Variants in DNAH11 observed in about 807,000 individuals in gnomAD.
DNAH11 encodes dynein axonemal heavy chain 11.
Under a neutral mutation model 526.0 loss-of-function variants are expected in DNAH11, and 442 were observed. That is an observed-to-expected ratio of 0.84 (90% CI 0.78 to 0.91). DNAH11 has a LOEUF of 0.91. DNAH11 is among the 40% of genes least tolerant of loss of function. The probability of loss-of-function intolerance (pLI) is 0.00; values close to 1 mark genes in which losing one functional copy is unlikely to be tolerated. For missense variants in DNAH11, 6,989 were observed against 5,448.7 expected (o/e 1.28, Z -8.90); for synonymous variants, 2,461 against 1,935.9 (o/e 1.27, Z -7.12).
rs878854438 is a variant in DNAH11 at position 21,892,588 on chromosome 7, C to G, written c.12671C>G (p.Thr4224Ser). The G allele has an allele frequency of 4.3e-6, 7 of 1,614,008 alleles. No homozygotes were observed. The highest frequency in any genetic ancestry group is 5.9e-6 in the Non-Finnish European group (7 of 1,179,886). ...EIEFLTVTSN[T>S]LFRTLLEMQP... ...GAATTCCTGACAGTGACATCCAACA[C>G]TCTCTTCAGAACTTTGCTGGAGATG... The change falls in exon 77 of 82, where the codon ACT becomes AGT. Residue 4224 changes from threonine to serine, a missense_variant. Transcript: ENST00000409508.
intron 60 of DNAH11, among the ~76,000 whole-genome samples, chr7:21,788,817 G>A (rs576151399): frequency 1.2e-4 from 18 of 152,334 alleles, no homozygotes; most frequent in South Asian, 6.2e-4. Flanking sequence ...AATATGAGGC[G>A]TATCTTCACA....
At position 21,789,816 on chromosome 7, in the gene DNAH11, C is replaced by CTTTCTTTTTCTTTCTTTCTTT. The variant is rs1554281424; in HGVS notation, c.10026+481_10026+482insTTCTTTCTTTCTTTTTTCTTT. The stretch of plus-strand genomic sequence containing the variant: ...TTCTTTCTTTCTTTCTTTTTTCTTT[C>CTTTCTTTTTCTTTCTTTCTTT]TTTCTTTCTTTCTTTCTTTCTTTCT... On this transcript the variant is annotated intron_variant, in intron 61 of 81. Coordinates refer to ENST00000409508, the MANE Select transcript of DNAH11 (RefSeq NM_001277115.2). Among the ~76,000 whole-genome samples, 358 of 70,036 alleles carry CTTTCTTTTTCTTTCTTTCTTT rather than the reference C, an allele frequency of 5.1e-3. 4 individuals are homozygous for CTTTCTTTTTCTTTCTTTCTTT. The highest frequency in any genetic ancestry group is 0.016 in the African/African-American group (347 of 22,048). 45.9% of individuals were successfully genotyped at this position (70,036 alleles called of 152,430 possible). A position where few individuals can be genotyped will look rare whatever the true frequency, so the allele number is the denominator to read the frequency against.
In DNAH11 at chr7:21,601,441, T is replaced by G; in HGVS notation, c.3471T>G (p.Leu1157=). 6.2e-7 allele frequency: 1 copy of G among 1,613,666 alleles called. No individual in the cohort carries two copies. The highest frequency in any genetic ancestry group is 1.7e-5 in the Admixed American group (1 of 59,980). ...TTATAAAGGAGACAGATTCCGGACT[T>G]CAGAGAGAATTAAATGAAGGTGATC... ...QEFIKETDSG[L]QRELNEGDHD... The change falls in exon 18 of 82, where the codon CTT becomes CTG. Residue 1157 remains leucine (L), a synonymous_variant. Transcript: ENST00000409508.
chr7:21,835,889 G>C (rs530940772), intron 65 of DNAH11, among the ~76,000 whole-genome samples: 1 of 147,838 alleles, frequency 6.8e-6, no homozygotes, highest in African/African-American at 2.5e-5. Flanking sequence ...AAAACCGTTA[G>C]AACTAATAAA....
At chr7:21,856,104 G>A (rs11979038) in intron 68 of DNAH11, among the ~76,000 whole-genome samples, 14,233 of 152,088 alleles carry the variant, frequency 0.094, 1,915 homozygotes, top group African/African-American at 0.29. Context: ...ATGAGCAAGG[G>A]GAAAGGTAGC....
intron 32 of DNAH11, among the ~76,000 whole-genome samples, chr7:21,684,930 C>T (rs1783306009): frequency 1.3e-5 from 2 of 152,216 alleles, no homozygotes; most frequent in Non-Finnish European, 2.9e-5. Flanking sequence ...GTCATAGCTG[C>T]ATGCCCAATT....
In DNAH11 at chr7:21,561,145, G is replaced by A. The variant is rs1290652092; in HGVS notation, c.957G>A (p.Lys319=). The part of the protein sequence containing the change: ...TKQSSYFPTL[K]DIFLAVENAL... Reference sequence around the variant, plus strand: ...AAAGCAGCTATTTTCCTACTCTGAAGGACATTTTTCTGGCTGTGGAAAATG... The same window carrying A: ...AAAGCAGCTATTTTCCTACTCTGAAAGACATTTTTCTGGCTGTGGAAAATG... Residue 319 remains lysine (K), a synonymous_variant, in exon 5 of 82, where the codon AAG becomes AAA. Transcript: ENST00000409508. 2 of 1,597,710 alleles carry A rather than the reference G, an allele frequency of 1.3e-6. No individual in the cohort carries two copies. Among genetic ancestry groups the A allele is most frequent in the Non-Finnish European group, 1.7e-6 (2 of 1,171,508 alleles).
At chr7:21,831,353 GAACATTAGC>G (rs1781759810) in intron 65 of DNAH11, among the ~76,000 whole-genome samples, 1 of 152,048 alleles carries the variant, frequency 6.6e-6, no homozygotes, top group African/African-American at 2.4e-5. Context: ...AGTCATGAGA[GAACATTAGC>G]AGTCTGTTTA....
chr7:21,549,425 C>A (rs1433798635), intron 2 of DNAH11, among the ~76,000 whole-genome samples: 1 of 151,750 alleles, frequency 6.6e-6, no homozygotes, highest in Non-Finnish European at 1.5e-5. Flanking sequence ...TTATTTTTAC[C>A]CTTTTACGGT....
intron 61 of DNAH11, among the ~76,000 whole-genome samples, chr7:21,798,127 C>T (rs1476731902): frequency 6.6e-6 from 1 of 152,230 alleles, no homozygotes; most frequent in African/African-American, 2.4e-5. Context: ...GAGACAGTGT[C>T]ATTCCGTCAC....
At chr7:21,773,249 T>C (rs182127444) in intron 55 of DNAH11, among the ~76,000 whole-genome samples, 70 of 152,266 alleles carry the variant, frequency 4.6e-4, no homozygotes, top group Middle Eastern at 3.4e-3. Context: ...ATGATCATGA[T>C]ATTTTTCTCC....
chr7:21,854,373 C>A lies in DNAH11; in HGVS notation c.11120C>A (p.Pro3707Gln), dbSNP rs1043477559. ...KINEARECYR[P>Q]VAARASLLYF... is the part of the protein sequence containing the mutation. ...AACGAGGCCCGAGAATGTTACAGAC[C>A]AGTGGCAGCAAGAGCATCTCTTCTT... The change falls in exon 68 of 82, where the codon CCA (proline) becomes CAA (glutamine). Residue 3707 changes from proline (P) to glutamine (Q), a missense_variant. Transcript: ENST00000409508. The A allele has an allele frequency of 6.2e-7, 1 of 1,613,598 alleles. No individual in the cohort carries two copies. The highest frequency in any genetic ancestry group is 8.5e-7 in the Non-Finnish European group (1 of 1,179,766).
chr7:21,678,907 T>C (rs1783022977), intron 30 of DNAH11, among the ~76,000 whole-genome samples: 1 of 152,156 alleles, frequency 6.6e-6, no homozygotes, highest in African/African-American at 2.4e-5. Flanking sequence ...AAAATCACTG[T>C]CTTGACAAGA....
chr7:21,777,907 A>G (rs1787748813), intron 56 of DNAH11, among the ~76,000 whole-genome samples: 1 of 152,236 alleles, frequency 6.6e-6, no homozygotes, highest in African/African-American at 2.4e-5. Flanking sequence ...GTTCCACAAG[A>G]TGAAACCACT....
chr7:21,620,138 G>A (rs1562706406), intron 25 of DNAH11, 60 bp downstream of exon 25: 3 of 1,312,990 alleles, frequency 2.3e-6, no homozygotes, highest in African/African-American at 1.5e-5. Context: ...ACAAATAATT[G>A]TATATATAGG....
chr7:21,618,866 A>G (rs1785905787), intron 23 of DNAH11, among the ~76,000 whole-genome samples: 1 of 152,196 alleles, frequency 6.6e-6, no homozygotes, highest in South Asian at 2.1e-4. Flanking sequence ...GAAACAAAGA[A>G]AATAGTGTAG....
chr7:21,611,007 G>A (rs566720802), intron 20 of DNAH11, among the ~76,000 whole-genome samples: 2 of 152,296 alleles, frequency 1.3e-5, no homozygotes, highest in East Asian at 1.9e-4. Flanking sequence ...CTAGATTAAG[G>A]GATACCTACA....
At chr7:21,603,956 A>G (rs1785188096) in intron 18 of DNAH11, among the ~76,000 whole-genome samples, 1 of 152,180 alleles carries the variant, frequency 6.6e-6, no homozygotes, top group Non-Finnish European at 1.5e-5. Context: ...GCAGAATACA[A>G]TTTTAGCTGT....
chr7:21,600,262 C>A (rs752784207), intron 15 of DNAH11, 143 bp downstream of exon 15: 5 of 682,402 alleles, frequency 7.3e-6, no homozygotes, highest in African/African-American at 7.3e-5. Flanking sequence ...GAGTTCAAGA[C>A]CAGCCTAAGC....
Sources: gnomAD v4.1 joint callset for allele counts (sites outside exome capture counted in the v4.1 genomes callset) on GRCh38, gnomAD v4.1.1 for gene constraint, MANE v1.5 for transcripts, NCBI Gene and HGNC (gene_info 2026-07-23, HGNC 2026-07-21) for gene names.